The following MCF2L2 variants were observed in gnomAD, a reference collection of about 807,000 sequenced individuals.
MCF2L2 encodes the protein MCF.2 cell line derived transforming sequence-like 2, also known as probable guanine nucleotide exchange factor MCF2L2.
MCF2L2 carries 102 observed loss-of-function variants against 150.2 expected under a neutral mutation model. The ratio of observed to expected loss-of-function variants is 0.68; its 90% CI spans 0.58 to 0.80. MCF2L2 has a LOEUF of 0.80. Ranked by LOEUF, MCF2L2 falls within the 30% of genes least tolerant of loss-of-function variation. The probability of loss-of-function intolerance (pLI) is 0.00; values close to 1 mark genes in which losing one functional copy is unlikely to be tolerated. For synonymous variants in MCF2L2, 465 were observed against 491.3 expected (o/e 0.95, Z 0.71); for missense variants, 1,256 against 1,372.8 (o/e 0.91, Z 1.34).
intron 3 of MCF2L2, among the ~76,000 whole-genome samples, chr3:183,367,804 G>A (rs578208422): frequency 1.3e-5 from 2 of 152,176 alleles, no homozygotes; most frequent in South Asian, 4.1e-4. Flanking sequence ...ATGAGAGAAT[G>A]AGAGAGAGTG....
chr3:183,333,845 T>C (rs916909591), intron 5 of MCF2L2, among the ~76,000 whole-genome samples: 2 of 152,004 alleles, frequency 1.3e-5, no homozygotes, highest in African/African-American at 4.8e-5. Context: ...ACTCTAATAT[T>C]TTCAACACCA....
chr3:183,338,213 G>A (rs1048099906), intron 5 of MCF2L2, among the ~76,000 whole-genome samples: 2 of 151,886 alleles, frequency 1.3e-5, no homozygotes, highest in South Asian at 2.1e-4. Context: ...TTGGGAGGCC[G>A]ATGCGGGTGT....
chr3:183,402,657 C>A (rs954771555), intron 1 of MCF2L2, among the ~76,000 whole-genome samples: 4 of 151,128 alleles, frequency 2.6e-5, no homozygotes, highest in South Asian at 2.1e-4. Flanking sequence ...TTTAAAAAAA[C>A]AAATGCTTGA....
chr3:183,246,672 G>A (rs1382887617), intron 15 of MCF2L2, among the ~76,000 whole-genome samples: 1 of 152,150 alleles, frequency 6.6e-6, no homozygotes, highest in African/African-American at 2.4e-5. Context: ...ACCTGTCTGA[G>A]TCTCTGCTTT....
At chr3:183,193,194 T>A in intron 26 of MCF2L2, 98 bp from the exon 27 acceptor site, 1 of 989,346 alleles carries the variant, frequency 1.0e-6, no homozygotes, top group Non-Finnish European at 1.6e-6. Flanking sequence ...CTAGTGTATC[T>A]CTGGTCTAGG....
At chr3:183,331,603 C>A (rs75719346) in intron 5 of MCF2L2, among the ~76,000 whole-genome samples, 6 of 152,122 alleles carry the variant, frequency 3.9e-5, no homozygotes, top group African/African-American at 1.4e-4. Context: ...TTTAAGCAAC[C>A]AATTTCCACG....
chr3:183,264,173 G>T (rs1381805539), intron 15 of MCF2L2, among the ~76,000 whole-genome samples: 1 of 152,156 alleles, frequency 6.6e-6, no homozygotes, highest in East Asian at 1.9e-4. Context: ...TGATTTTCAA[G>T]GTTCTCCATA....
intron 26 of MCF2L2, among the ~76,000 whole-genome samples, chr3:183,193,325 A>C (rs1360430378): frequency 6.6e-6 from 1 of 151,404 alleles, no homozygotes; most frequent in Non-Finnish European, 1.5e-5. Flanking sequence ...GCAAACATCT[A>C]ATTGGCTGCA....
intron 9 of MCF2L2, 61 bp downstream of exon 9, chr3:183,310,854 G>T: frequency 9.1e-7 from 1 of 1,094,782 alleles, no homozygotes; most frequent in East Asian, 2.5e-5. Context: ...AGTGAGGAGG[G>T]AGAGAAAACC....
chr3:183,338,452 AAAAAAAAAAAAAAG>A (rs1262137254), intron 5 of MCF2L2, among the ~76,000 whole-genome samples: 8 of 150,492 alleles, frequency 5.3e-5, no homozygotes, highest in Admixed American at 2.6e-4. Flanking sequence ...TATCTCAAAA[AAAAAAAAAAAAAAG>A]AAAAAGAAAA....
intron 1 of MCF2L2, among the ~76,000 whole-genome samples, chr3:183,409,714 C>T (rs1315675563): frequency 4.6e-5 from 7 of 151,882 alleles, no homozygotes; most frequent in African/African-American, 1.2e-4. Flanking sequence ...ATGACCATGC[C>T]TGGATAATTT....
chr3:183,264,049 AT>A (rs1725866689), intron 15 of MCF2L2, among the ~76,000 whole-genome samples: 2 of 152,064 alleles, frequency 1.3e-5, no homozygotes, highest in African/African-American at 2.4e-5. Context: ...AGCCAGTTTA[AT>A]CCCTCTTGCT....
chr3:183,217,993 T>TA (rs1200775901), intron 21 of MCF2L2, among the ~76,000 whole-genome samples: 1 of 152,216 alleles, frequency 6.6e-6, no homozygotes, highest in Non-Finnish European at 1.5e-5. Flanking sequence ...TAAATACACA[T>TA]AAAAAAATTT....
chr3:183,307,832 T>C (rs2108506043), intron 10 of MCF2L2, among the ~76,000 whole-genome samples: 1 of 152,352 alleles, frequency 6.6e-6, no homozygotes, highest in East Asian at 1.9e-4. Context: ...CCTCTGCTCA[T>C]CTCTGTTCAC....
chr3:183,420,606 G>GA (rs1441889704), intron 1 of MCF2L2, among the ~76,000 whole-genome samples: 1 of 151,976 alleles, frequency 6.6e-6, no homozygotes, highest in Non-Finnish European at 1.5e-5. Context: ...CTCAAAAAAA[G>GA]AAAAAAGATA....
intron 5 of MCF2L2, among the ~76,000 whole-genome samples, chr3:183,331,314 C>T (rs1352666440): frequency 6.6e-6 from 1 of 152,204 alleles, no homozygotes; most frequent in Non-Finnish European, 1.5e-5. Context: ...CTTGGTGCTT[C>T]CCCAGTAGCC....
intron 22 of MCF2L2, among the ~76,000 whole-genome samples, chr3:183,213,463 A>G (rs969025068): frequency 2.6e-5 from 4 of 152,112 alleles, no homozygotes; most frequent in African/African-American, 9.7e-5. Context: ...TGATAATTTA[A>G]TTATCACATT....
chr3:183,269,046 T>C (rs1009931926), intron 15 of MCF2L2, among the ~76,000 whole-genome samples: 1 of 152,154 alleles, frequency 6.6e-6, no homozygotes, highest in Non-Finnish European at 1.5e-5. Flanking sequence ...CTTACTCTTA[T>C]TCCTGCCTTG....
At chr3:183,291,130 A>G (rs1274042722) in intron 13 of MCF2L2, among the ~76,000 whole-genome samples, 1 of 152,186 alleles carries the variant, frequency 6.6e-6, no homozygotes, top group Admixed American at 6.5e-5. Context: ...TCTCTGTGGG[A>G]TCTCTATAAA....
Sources: gnomAD v4.1 joint callset for allele counts (sites outside exome capture counted in the v4.1 genomes callset) on GRCh38, gnomAD v4.1.1 for gene constraint, MANE v1.5 for transcripts, NCBI Gene and HGNC (gene_info 2026-07-23, HGNC 2026-07-21) for gene names.